GRM7: variants seen among roughly 807,000 people sequenced by gnomAD.
GRM7 encodes glutamate metabotropic receptor 7, also known as metabotropic glutamate receptor 7.
A neutral mutation model predicts 84.5 loss-of-function variants in GRM7; 35 were observed. The observed-to-expected ratio is 0.41, with a 90% CI of 0.32 to 0.55. The LOEUF is 0.55. GRM7 is among the 20% of genes least tolerant of loss of function. GRM7 has a pLI of 0.19. For synonymous variants in GRM7, 487 were observed against 455.1 expected (o/e 1.07, Z -0.89); for missense variants, 1,003 against 1,194.6 (o/e 0.84, Z 2.36).
chr3:7,165,488 T>A (rs972958945), intron 2 of GRM7, among the ~76,000 whole-genome samples: 1 of 152,254 alleles, frequency 6.6e-6, no homozygotes, highest in Non-Finnish European at 1.5e-5. Context: ...TTGGTTTAAA[T>A]GTTTGGTTCA....
chr3:7,349,655 A>G (rs1274766674), intron 4 of GRM7, among the ~76,000 whole-genome samples: 2 of 152,156 alleles, frequency 1.3e-5, no homozygotes, highest in Non-Finnish European at 2.9e-5. Context: ...GGGCTGGCCA[A>G]ATCATTCTGG....
chr3:7,557,326 C>A (rs1464942570), intron 7 of GRM7, among the ~76,000 whole-genome samples: 1 of 152,062 alleles, frequency 6.6e-6, no homozygotes, highest in Non-Finnish European at 1.5e-5. Flanking sequence ...AAAATAGACT[C>A]TAAAATTCTG....
intron 2 of GRM7, among the ~76,000 whole-genome samples, chr3:7,197,410 A>G (rs1695914362): frequency 6.6e-6 from 1 of 152,166 alleles, no homozygotes. Flanking sequence ...TCTCAATGTT[A>G]CTTCTTTCAG....
chr3:7,069,195 G>A (rs1445042645), intron 1 of GRM7, among the ~76,000 whole-genome samples: 1 of 151,902 alleles, frequency 6.6e-6, no homozygotes, highest in Non-Finnish European at 1.5e-5. Context: ...GCTATGAGGG[G>A]TAATGAAACA....
rs1032325025 is a variant in GRM7 at position 7,486,938 on chromosome 3, A to G, written c.1515+25216A>G. Among the ~76,000 whole-genome samples, 2 of 152,214 alleles carry G rather than the reference A, an allele frequency of 1.3e-5. No homozygotes were observed. Among genetic ancestry groups the G allele is most frequent in the African/African-American group, 2.4e-5 (1 of 41,454 alleles). On this transcript the variant is annotated intron_variant, in intron 7 of 9. Transcript: ENST00000357716. The surrounding 1 kb of genome is among the most constrained non-coding windows in gnomAD (Gnocchi z 5.5). Reference sequence around the variant, plus strand: ...CATAGAAGACGAGAATACTAGGGAAAGTTTGGAACTTCTTAGAGATTAGTT... The same window carrying G: ...CATAGAAGACGAGAATACTAGGGAAGGTTTGGAACTTCTTAGAGATTAGTT...
At chr3:6,976,141 C>T (rs903216147) in intron 1 of GRM7, among the ~76,000 whole-genome samples, 4 of 152,166 alleles carry the variant, frequency 2.6e-5, no homozygotes, top group African/African-American at 9.7e-5. Context: ...TGGTCACCAG[C>T]TCTGCCCCTA....
At chr3:7,529,676 C>T (rs1281525700) in intron 7 of GRM7, among the ~76,000 whole-genome samples, 1 of 152,058 alleles carries the variant, frequency 6.6e-6, no homozygotes, top group Non-Finnish European at 1.5e-5. Context: ...GCATTTTGCT[C>T]AAGGTTCATC....
At chr3:6,985,043 C>T (rs1021219556) in intron 1 of GRM7, among the ~76,000 whole-genome samples, 4 of 152,192 alleles carry the variant, frequency 2.6e-5, no homozygotes, top group African/African-American at 4.8e-5. Flanking sequence ...CTGGTGTTTC[C>T]GCCATTTATC....
chr3:7,311,518 A>T (rs1258507667), intron 4 of GRM7, among the ~76,000 whole-genome samples: 1 of 151,846 alleles, frequency 6.6e-6, no homozygotes, highest in Non-Finnish European at 1.5e-5. Flanking sequence ...GTTCTAGGAG[A>T]CTTCCCAGGG....
At chr3:7,246,396 T>C (rs1225245225) in intron 2 of GRM7, among the ~76,000 whole-genome samples, 1 of 152,130 alleles carries the variant, frequency 6.6e-6, no homozygotes, top group African/African-American at 2.4e-5. Context: ...AAACTTTGTC[T>C]GTGAAGTTTT....
At chr3:7,058,525 A>T (rs1697312395) in intron 1 of GRM7, among the ~76,000 whole-genome samples, 1 of 151,844 alleles carries the variant, frequency 6.6e-6, no homozygotes, top group African/African-American at 2.4e-5. Context: ...GTTAGAGTTT[A>T]TGTTCATTAA....
chr3:7,415,557 T>C (rs1348302347), intron 5 of GRM7, among the ~76,000 whole-genome samples: 2 of 152,118 alleles, frequency 1.3e-5, no homozygotes, highest in African/African-American at 4.8e-5. Flanking sequence ...AACAGAGTGA[T>C]TGGGTTTAGA....
At chr3:7,098,514 T>C (rs1222145981) in intron 1 of GRM7, among the ~76,000 whole-genome samples, 2 of 151,952 alleles carry the variant, frequency 1.3e-5, no homozygotes, top group Non-Finnish European at 2.9e-5. Flanking sequence ...TTTTTCCTCA[T>C]CTGTGGATTA....
chr3:6,861,358 C>T lies in GRM7; in HGVS notation c.-31C>T, dbSNP rs1694747139. ...GAGCCCACCACCGTTCCCTCCAGCG[C>T]CGCCGCCGCCACCGCAGCAGCCGGA... On this transcript the variant is annotated 5_prime_UTR_variant, in exon 1 of 10. Coordinates refer to ENST00000357716, the MANE Select transcript of GRM7 (RefSeq NM_000844.4). This position sits in a 1 kb window ranked among gnomAD's most constrained non-coding sequence, Gnocchi z 6.4. 3.4e-6 allele frequency: 5 copies of T among 1,474,950 alleles called. No individual in the cohort carries two copies. The highest frequency in any genetic ancestry group is 4.4e-6 in the Non-Finnish European group (5 of 1,123,766). The allele number at this position is 1,474,950 out of a possible 1,614,324, so 91.4% of individuals were successfully genotyped here.
intron 1 of GRM7, among the ~76,000 whole-genome samples, chr3:7,066,961 A>G (rs1307699003): frequency 6.6e-6 from 1 of 152,048 alleles, no homozygotes; most frequent in African/African-American, 2.4e-5. Context: ...AGCATTTGAC[A>G]GAATCTAGCA....
chr3:7,227,827 C>T (rs1429084911), intron 2 of GRM7, among the ~76,000 whole-genome samples: 2 of 152,004 alleles, frequency 1.3e-5, no homozygotes, highest in African/African-American at 4.8e-5. Context: ...AGGAATATAA[C>T]ATAAAAAAGA....
At chr3:7,449,421 C>T (rs908030745) in intron 5 of GRM7, among the ~76,000 whole-genome samples, 1 of 152,000 alleles carries the variant, frequency 6.6e-6, no homozygotes, top group Non-Finnish European at 1.5e-5. Flanking sequence ...ACAACAGAAA[C>T]CCAATAAATG....
intron 2 of GRM7, among the ~76,000 whole-genome samples, chr3:7,253,236 C>T (rs1698070967): frequency 6.6e-6 from 1 of 152,198 alleles, no homozygotes; most frequent in East Asian, 1.9e-4. Context: ...ACCATCTCTT[C>T]CTTATACCCT....
At chr3:7,265,544 G>C (rs752246186) in intron 2 of GRM7, among the ~76,000 whole-genome samples, 1 of 152,158 alleles carries the variant, frequency 6.6e-6, no homozygotes, top group South Asian at 2.1e-4. Flanking sequence ...AGAGGTGTTT[G>C]GTCCCAAGAG....
Sources: allele counts gnomAD v4.1 joint callset (sites outside exome capture counted in the v4.1 genomes callset), GRCh38; gene constraint gnomAD v4.1.1; non-coding constraint Gnocchi (gnomAD v3.1); transcripts MANE v1.5; gene names NCBI Gene and HGNC (gene_info 2026-07-23, HGNC 2026-07-21).